Variants in EIF2B3 observed in about 807,000 individuals in gnomAD.
EIF2B3 encodes the protein translation initiation factor eIF2B subunit gamma.
Under a neutral mutation model 54.1 loss-of-function variants are expected in EIF2B3, and 20 were observed. The observed-to-expected ratio is 0.37, with a 90% CI of 0.26 to 0.54. EIF2B3 has a LOEUF of 0.54. Among genes scored for constraint, EIF2B3 ranks in the 20% least tolerant of loss-of-function variants. The pLI, the probability that EIF2B3 is intolerant of heterozygous loss-of-function variation, is 0.86. For synonymous variants in EIF2B3, 153 were observed against 188.1 expected, an observed-to-expected ratio of 0.81 and a Z score of 1.52; for missense variants, 448 against 547.8, an observed-to-expected ratio of 0.82 and a Z score of 1.82.
At chr1:44,880,886 G>A (rs1000867078) in intron 7 of EIF2B3, among the ~76,000 whole-genome samples, 3 of 152,114 alleles carry the variant, frequency 2.0e-5, no homozygotes, top group East Asian at 1.9e-4. Flanking sequence ...GCGTGAACCC[G>A]GGAGGCGGAG....
chr1:44,978,197 C>T, intron 3 of EIF2B3, 118 bp downstream of exon 3: 2 of 1,208,340 alleles, frequency 1.7e-6, no homozygotes, highest in Non-Finnish European at 2.4e-6. Context: ...CACTACTGCA[C>T]TCCGGCCTAG....
intron 6 of EIF2B3, among the ~76,000 whole-genome samples, chr1:44,892,371 G>A (rs1239134993): frequency 6.6e-6 from 1 of 152,008 alleles, no homozygotes; most frequent in Non-Finnish European, 1.5e-5. Flanking sequence ...CTTGAGCCGA[G>A]GAGTTTGAGA....
chr1:44,927,526 A>G (rs1403797236), intron 4 of EIF2B3, among the ~76,000 whole-genome samples: 2 of 152,144 alleles, frequency 1.3e-5, no homozygotes, highest in Non-Finnish European at 2.9e-5. Flanking sequence ...TGGGGATTAC[A>G]TTTCAACAAG....
intron 3 of EIF2B3, among the ~76,000 whole-genome samples, chr1:44,942,454 G>C: frequency 1.3e-5 from 1 of 77,094 alleles, no homozygotes. Flanking sequence ...TCCAGACAGG[G>C]TCTTACTCTG....
chr1:44,981,960 A>AG (rs1340621828), intron 1 of EIF2B3, among the ~76,000 whole-genome samples: 4 of 151,062 alleles, frequency 2.6e-5, no homozygotes, highest in Admixed American at 1.3e-4. Flanking sequence ...AAAAAAAAAA[A>AG]AGAGAGAAAA....
intron 8 of EIF2B3, among the ~76,000 whole-genome samples, chr1:44,876,303 C>A (rs1457029225): frequency 1.3e-5 from 2 of 149,186 alleles, no homozygotes; most frequent in Admixed American, 6.7e-5. Context: ...AAGTGAGGAG[C>A]GTCTCTGCCC....
chr1:44,936,983 C>T (rs985462719), intron 4 of EIF2B3, among the ~76,000 whole-genome samples: 1 of 152,176 alleles, frequency 6.6e-6, no homozygotes. Flanking sequence ...CAAAATCCCA[C>T]AGCTTTTGAG....
chr1:44,863,996 G>C (rs1654691280), intron 10 of EIF2B3, among the ~76,000 whole-genome samples: 1 of 152,098 alleles, frequency 6.6e-6, no homozygotes, highest in Non-Finnish European at 1.5e-5. Context: ...CCTCCTTTTA[G>C]TTCTGTATGC....
chr1:44,880,079 GTT>G, intron 7 of EIF2B3, 71 bp from the exon 8 acceptor site: 1 of 1,554,946 alleles, frequency 6.4e-7, no homozygotes, highest in Non-Finnish European at 8.8e-7. Flanking sequence ...ACTCAGTCAA[GTT>G]GTTTTTTTGT....
intron 3 of EIF2B3, among the ~76,000 whole-genome samples, chr1:44,953,915 T>C (rs1364626268): frequency 1.3e-5 from 2 of 152,152 alleles, no homozygotes; most frequent in Non-Finnish European, 2.9e-5. Context: ...GAAAGTAAAA[T>C]CTAATTCTAT....
chr1:44,959,381 G>T (rs370346805), intron 3 of EIF2B3: 3 of 540,118 alleles, frequency 5.6e-6, no homozygotes, highest in East Asian at 7.4e-5. Context: ...GGCCTTCAAA[G>T]TAAAAAGAAT....
intron 3 of EIF2B3, among the ~76,000 whole-genome samples, chr1:44,962,121 G>C (rs1644290798): frequency 6.6e-6 from 1 of 152,122 alleles, no homozygotes; most frequent in African/African-American, 2.4e-5. Flanking sequence ...GAACCTGGGA[G>C]GCAGAGGTTG....
At chr1:44,870,985 G>A (rs536173496) in intron 10 of EIF2B3, among the ~76,000 whole-genome samples, 53 of 152,172 alleles carry the variant, frequency 3.5e-4, no homozygotes, top group African/African-American at 1.2e-3. Context: ...TTCCAAATTC[G>A]TACTTCAAGC....
intron 6 of EIF2B3, among the ~76,000 whole-genome samples, chr1:44,882,857 C>T (rs547939388): frequency 5.6e-4 from 85 of 151,582 alleles, no homozygotes; most frequent in Middle Eastern, 6.8e-3. Flanking sequence ...TCAAGTGATC[C>T]GCCTGCTGCA....
intron 3 of EIF2B3, among the ~76,000 whole-genome samples, chr1:44,951,163 C>T (rs970746753): frequency 2.6e-5 from 4 of 152,134 alleles, no homozygotes; most frequent in African/African-American, 9.7e-5. Flanking sequence ...TACTCTACTC[C>T]TTGGCATTAC....
chr1:44,915,351 A>G (rs9429058), intron 5 of EIF2B3, among the ~76,000 whole-genome samples: 72,184 of 151,826 alleles, frequency 0.48, 17,970 homozygotes, highest in African/African-American at 0.62. Flanking sequence ...TCGTTCTGTC[A>G]TCTAGGCTGG....
At chr1:44,941,873 A>G (rs1644028130) in intron 3 of EIF2B3, among the ~76,000 whole-genome samples, 1 of 152,148 alleles carries the variant, frequency 6.6e-6, no homozygotes. Context: ...TCCCTTGTGT[A>G]CCTCAGGAAC....
At chr1:44,866,657 C>T (rs1364477159) in intron 10 of EIF2B3, among the ~76,000 whole-genome samples, 3 of 151,930 alleles carry the variant, frequency 2.0e-5, no homozygotes, top group South Asian at 2.1e-4. Context: ...CCGGTTTAAG[C>T]GATTCTCCTG....
At chr1:44,880,228 A>C (rs868267121) in intron 7 of EIF2B3, among the ~76,000 whole-genome samples, 8 of 152,214 alleles carry the variant, frequency 5.3e-5, no homozygotes, top group Admixed American at 3.9e-4. Flanking sequence ...AAGTTTTAAA[A>C]GAGATTACAG....
Sources: allele counts gnomAD v4.1 joint callset (sites outside exome capture counted in the v4.1 genomes callset), GRCh38; gene constraint gnomAD v4.1.1; transcripts MANE v1.5; gene names NCBI Gene and HGNC (gene_info 2026-07-23, HGNC 2026-07-21).